The following ZNRF3 variants were observed in gnomAD, a reference collection of about 807,000 sequenced individuals.
ZNRF3 encodes E3 ubiquitin-protein ligase ZNRF3.
A neutral mutation model predicts 72.5 loss-of-function variants in ZNRF3; 23 were observed. That is an observed-to-expected ratio of 0.32 (90% CI 0.23 to 0.45). ZNRF3 has a LOEUF of 0.45. Among genes scored for constraint, ZNRF3 ranks in the 20% least tolerant of loss-of-function variants. ZNRF3 has a pLI of 1.00. For missense variants in ZNRF3, 1,169 were observed against 1,272.1 expected (o/e 0.92, Z 1.23); for synonymous variants, 610 against 545.3 (o/e 1.12, Z -1.65).
chr22:28,989,412 G>C (rs1274392654), intron 2 of ZNRF3, among the ~76,000 whole-genome samples: 2 of 152,118 alleles, frequency 1.3e-5, no homozygotes. Flanking sequence ...AAGTGTGGTT[G>C]TTCTCAGTCT....
chr22:28,940,132 T>C (rs2034914859), intron 1 of ZNRF3, among the ~76,000 whole-genome samples: 2 of 152,226 alleles, frequency 1.3e-5, no homozygotes, highest in South Asian at 4.1e-4. Flanking sequence ...GAGAAAATGC[T>C]GCCCATTCTT....
intron 1 of ZNRF3, among the ~76,000 whole-genome samples, chr22:28,927,281 C>T (rs185678158): frequency 1.3e-5 from 2 of 152,120 alleles, no homozygotes; most frequent in East Asian, 1.9e-4. Flanking sequence ...AAGCACCGGG[C>T]GTGGTGGCTC....
intron 1 of ZNRF3, among the ~76,000 whole-genome samples, chr22:28,885,752 G>A (rs777193670): frequency 6.6e-6 from 1 of 152,168 alleles, no homozygotes; most frequent in Non-Finnish European, 1.5e-5. Flanking sequence ...GGAGTGTTAT[G>A]CTTTGGAGAT....
chr22:29,020,601 G>T (rs1012448035), intron 2 of ZNRF3, among the ~76,000 whole-genome samples: 2 of 151,794 alleles, frequency 1.3e-5, no homozygotes, highest in African/African-American at 4.8e-5. Flanking sequence ...TTCATCCGTG[G>T]TTGGTTGAAT....
Position 29,049,619 on chromosome 22 carries a change from C to T in ZNRF3, c.1438C>T (p.Pro480Ser). 6.2e-7 allele frequency: 1 copy of T among 1,610,760 alleles called. No homozygotes were observed. Among genetic ancestry groups the T allele is most frequent in the Non-Finnish European group, 8.5e-7 (1 of 1,179,494 alleles). ...CTACTACTTCCAGGGCCTCAGCTAC[C>T]CGGAGCAGGAGGGGCAGTCCCCACC... ...QHYYFQGLSY[P>S]EQEGQSPPSL... is the part of the protein sequence containing the mutation. Residue 480 changes from proline (P) to serine (S), a missense_variant, in exon 8 of 9, where the codon CCG becomes TCG. By Grantham distance (74) the Pro-to-Ser change is moderately conservative. Around this residue, in one of 2 missense-constraint regions of ZNRF3, gnomAD observed 783 missense variants for 731.4 expected, o/e 1.07. Transcript: ENST00000544604. This position sits in a 1 kb window ranked among gnomAD's most constrained non-coding sequence, Gnocchi z 5.2.
intron 2 of ZNRF3, among the ~76,000 whole-genome samples, chr22:29,017,083 C>G (rs2036450193): frequency 6.6e-6 from 1 of 152,178 alleles, no homozygotes; most frequent in African/African-American, 2.4e-5. Flanking sequence ...GAGATGTTTT[C>G]CAGGCAGAGC....
At chr22:28,944,130 C>T (rs1185424616) in intron 1 of ZNRF3, among the ~76,000 whole-genome samples, 3 of 152,018 alleles carry the variant, frequency 2.0e-5, no homozygotes, top group African/African-American at 7.3e-5. Flanking sequence ...TATTTACACA[C>T]TGCTGGTGGG....
chr22:28,909,754 T>C (rs1295798837), intron 1 of ZNRF3, among the ~76,000 whole-genome samples: 1 of 148,780 alleles, frequency 6.7e-6, no homozygotes, highest in African/African-American at 2.5e-5. Flanking sequence ...CTAATTTTTT[T>C]TTTTTTTTTT....
At chr22:29,004,058 G>A (rs927672875) in intron 2 of ZNRF3, among the ~76,000 whole-genome samples, 8 of 152,238 alleles carry the variant, frequency 5.3e-5, no homozygotes, top group African/African-American at 1.4e-4. Context: ...TGCACCTAAC[G>A]GGCTTCTCGA....
At chr22:29,044,744 G>C (rs556174842) in intron 4 of ZNRF3, 36 bp from the exon 5 acceptor site, 1 of 1,454,056 alleles carries the variant, frequency 6.9e-7, no homozygotes, top group East Asian at 2.3e-5. Flanking sequence ...AGGCTGGAGA[G>C]AGGCTGTGAC....
chr22:28,886,376 C>T (rs1179546104), intron 1 of ZNRF3, among the ~76,000 whole-genome samples: 2 of 152,164 alleles, frequency 1.3e-5, no homozygotes, highest in Non-Finnish European at 2.9e-5. Flanking sequence ...AATTGCTGTC[C>T]AGCTTTGGAT....
intron 1 of ZNRF3, among the ~76,000 whole-genome samples, chr22:28,920,538 T>C (rs1264964399): frequency 1.3e-5 from 2 of 152,228 alleles, no homozygotes; most frequent in Non-Finnish European, 2.9e-5. Flanking sequence ...CCCAGAGTAC[T>C]GGGATTACAG....
intron 2 of ZNRF3, among the ~76,000 whole-genome samples, chr22:29,011,607 A>T (rs944070692): frequency 1.2e-4 from 19 of 152,240 alleles, no homozygotes; most frequent in Non-Finnish European, 2.4e-4. Flanking sequence ...TGAATGGGAG[A>T]TTGTTCACAC....
At chr22:28,954,323 C>A (rs1370795035) in intron 1 of ZNRF3, among the ~76,000 whole-genome samples, 1 of 152,172 alleles carries the variant, frequency 6.6e-6, no homozygotes, top group African/African-American at 2.4e-5. Flanking sequence ...CTGTATCCTC[C>A]TGTGGCGAAG....
chr22:29,004,404 G>C (rs2036202953), intron 2 of ZNRF3, among the ~76,000 whole-genome samples: 1 of 152,146 alleles, frequency 6.6e-6, no homozygotes. Context: ...GATAACAAGA[G>C]CCACCTTTTC....
In ZNRF3 at chr22:28,918,744, C is replaced by G. The variant is rs967775247; in HGVS notation, c.300+34678C>G. Among the ~76,000 whole-genome samples the G allele has an allele frequency of 3.9e-5, 6 of 152,096 alleles. No individual in the cohort carries two copies. In the South Asian group the frequency reaches 6.2e-4, roughly 16 times the overall value. On this transcript the variant is annotated intron_variant, in intron 1 of 8. Coordinates refer to ENST00000544604, the MANE Select transcript of ZNRF3 (RefSeq NM_001206998.2). Reference sequence around the variant, plus strand: ...GTGCGAAGCTACAATGTTTCCACTTCGTCCTAAAGTGGCCAGCCCTGTTCT... The same window carrying G: ...GTGCGAAGCTACAATGTTTCCACTTGGTCCTAAAGTGGCCAGCCCTGTTCT...
chr22:28,898,773 A>C (rs1489085328), intron 1 of ZNRF3, among the ~76,000 whole-genome samples: 1 of 152,230 alleles, frequency 6.6e-6, no homozygotes. Flanking sequence ...GGACTGTAGT[A>C]GTATTTCTAA....
rs189345295 is a variant in ZNRF3 at position 28,921,746 on chromosome 22, T to C, written c.300+37680T>C. The stretch of plus-strand genomic sequence containing the variant: ...AACTGTTTCATATTCCCCCACAGCA[T>C]TCCACAGGGCCTAGGTTGTATGCTG... On this transcript the variant is annotated intron_variant, in intron 1 of 8. Transcript: ENST00000544604. 3.0e-3 allele frequency among the ~76,000 whole-genome samples: 459 copies of C among 152,322 alleles called. 3 individuals are homozygous for C. Among genetic ancestry groups the C allele is most frequent in the African/African-American group, 0.01 (429 of 41,562 alleles).
At chr22:29,005,563 T>C (rs899837073) in intron 2 of ZNRF3, among the ~76,000 whole-genome samples, 4 of 152,152 alleles carry the variant, frequency 2.6e-5, no homozygotes, top group Admixed American at 2.0e-4. Context: ...TTGAAGAACT[T>C]AGCTCTGGGC....
Sources: gnomAD v4.1 joint callset for allele counts (sites outside exome capture counted in the v4.1 genomes callset) on GRCh38, gnomAD v4.1.1 for gene constraint, gnomAD v4.1.1 regional missense constraint, Gnocchi (gnomAD v3.1) non-coding constraint, MANE v1.5 for transcripts, NCBI Gene and HGNC (gene_info 2026-07-23, HGNC 2026-07-21) for gene names.